TSPAN13: variants seen among roughly 807,000 people sequenced by gnomAD.
TSPAN13 encodes tetraspanin 13.
In TSPAN13, 18 loss-of-function variants were observed where a neutral mutation model predicts 26.9. That is an observed-to-expected ratio of 0.67 (90% CI 0.46 to 0.99). The LOEUF is 0.99. Ranked by LOEUF, TSPAN13 falls within the 50% of genes least tolerant of loss-of-function variation. TSPAN13 has a pLI of 0.00. For synonymous variants in TSPAN13, 116 were observed against 98.4 expected (o/e 1.18, Z -1.06); for missense variants, 201 against 249.6 (o/e 0.81, Z 1.31).
Position 16,759,058 on chromosome 7 carries a change from A to G in TSPAN13, c.63+5028A>G, listed in dbSNP as rs140823167. Among the ~76,000 whole-genome samples the G allele has an allele frequency of 9.1e-4, 139 of 152,302 alleles. 1 individual carries two copies. Among genetic ancestry groups the G allele is most frequent in the African/African-American group, 3.3e-3 (137 of 41,562 alleles). ...TAAATTATATATCGTATTAGAAGGT[A>G]AACAAGTTTTATGGAGAAAAATAAA... On this transcript the variant is annotated intron_variant, in intron 1 of 5. Coordinates refer to ENST00000262067, the MANE Select transcript of TSPAN13 (RefSeq NM_014399.4).
Position 16,777,092 on chromosome 7 carries a change from C to T in TSPAN13, c.282C>T (p.Cys94=), listed in dbSNP as rs201308839. The T allele has an allele frequency of 2.4e-5, 39 of 1,613,382 alleles. No homozygotes were observed. The highest frequency in any genetic ancestry group is 5.3e-5 in the African/African-American group (4 of 75,028). Residue 94 remains cysteine, a synonymous_variant, in exon 3 of 6, where the codon TGC becomes TGT. Coordinates refer to ENST00000262067, the MANE Select transcript of TSPAN13 (RefSeq NM_014399.4). ...LVFIVQFSVS[C]ACLALNQEQQ... ...TTATTGTTCAGTTTTCTGTATCTTG[C>T]GCTTGTTTAGCCCTGAACCAGGAGC...
chr7:16,773,164 T>TG (rs150701147), intron 1 of TSPAN13, among the ~76,000 whole-genome samples: 8,193 of 145,384 alleles, frequency 0.056, 334 homozygotes, highest in African/African-American at 0.11. Flanking sequence ...TAAAAAATCT[T>TG]GGGGGGGGGC....
chr7:16,776,381 A>G lies in TSPAN13; in HGVS notation c.231+3A>G, dbSNP rs1784745913. ...ATCATCAGGTGTTGCTATTTTTTGTATCCTTTTTAAAAATCAAGATTTTAC... is the reference window on the plus strand; with the variant it reads ...ATCATCAGGTGTTGCTATTTTTTGTGTCCTTTTTAAAAATCAAGATTTTAC... On this transcript the variant is annotated splice_donor_region_variant and intron_variant, in intron 2 of 5. Coordinates refer to ENST00000262067, the MANE Select transcript of TSPAN13 (RefSeq NM_014399.4). 1.2e-6 allele frequency: 2 copies of G among 1,607,590 alleles called. No individual in the cohort carries two copies. Among genetic ancestry groups the G allele is most frequent in the African/African-American group, 1.3e-5 (1 of 74,650 alleles).
At chr7:16,763,785 C>T (rs1438465899) in intron 1 of TSPAN13, among the ~76,000 whole-genome samples, 1 of 152,130 alleles carries the variant, frequency 6.6e-6, no homozygotes, top group African/African-American at 2.4e-5. Context: ...TCAGAGGGGC[C>T]AGTCATTAAG....
chr7:16,761,690 ATTTTTTTT>A (rs35451307), intron 1 of TSPAN13, among the ~76,000 whole-genome samples: 3,830 of 93,510 alleles, frequency 0.041, 70 homozygotes, highest in Non-Finnish European at 0.057. Context: ...CAGCTAATTA[ATTTTTTTT>A]TTTTTTTTTT....
At chr7:16,776,725 A>G (rs1784753954) in intron 2 of TSPAN13, among the ~76,000 whole-genome samples, 1 of 152,164 alleles carries the variant, frequency 6.6e-6, no homozygotes, top group South Asian at 2.1e-4. Flanking sequence ...TAGACTTAAT[A>G]TTAAAAAAGC....
intron 1 of TSPAN13, among the ~76,000 whole-genome samples, chr7:16,768,255 T>C (rs1438355078): frequency 6.6e-6 from 1 of 152,224 alleles, no homozygotes. Flanking sequence ...TATATTCTCC[T>C]AGTCCTAGGT....
chr7:16,784,374 A>G lies in TSPAN13; in HGVS notation c.*883A>G, dbSNP rs967963684. 1 of 152,206 alleles carries G rather than the reference A, an allele frequency of 6.6e-6. No homozygotes were observed. Among genetic ancestry groups the G allele is most frequent in the African/African-American group, 2.4e-5 (1 of 41,470 alleles). The allele number at this position is 152,206 out of a possible 1,614,324, so 9.4% of individuals were successfully genotyped here. On this transcript the variant is annotated 3_prime_UTR_variant, in exon 6 of 6. Transcript: ENST00000262067. ...GAAATTTCTCAGTATTGTAACAGCA[A>G]CTTGTCAAACCTAAGCATATTTGAA... is the stretch of plus-strand genomic sequence containing the variant.
chr7:16,776,020 T>G, intron 1 of TSPAN13, 191 bp from the exon 2 acceptor site: 1 of 470,832 alleles, frequency 2.1e-6, no homozygotes, highest in East Asian at 3.3e-5. Flanking sequence ...CGCCTGGGGA[T>G]TAATGTAATT....
At chr7:16,766,382 C>G (rs997627731) in intron 1 of TSPAN13, among the ~76,000 whole-genome samples, 1 of 152,138 alleles carries the variant, frequency 6.6e-6, no homozygotes, top group Non-Finnish European at 1.5e-5. Context: ...ATGGCCCTTA[C>G]AAATGAGAAT....
chr7:16,776,086 G>A (rs1414092977), intron 1 of TSPAN13, 125 bp from the exon 2 acceptor site: 1 of 806,620 alleles, frequency 1.2e-6, no homozygotes, highest in African/African-American at 1.7e-5. Flanking sequence ...TTAAGTTTTA[G>A]TGCTTATTTG....
At chr7:16,781,633 G>T (rs1244354099) in intron 5 of TSPAN13, among the ~76,000 whole-genome samples, 3 of 152,142 alleles carry the variant, frequency 2.0e-5, no homozygotes, top group Admixed American at 6.5e-5. Context: ...GTAAAATGTG[G>T]CTCCGGATTA....
In TSPAN13 at chr7:16,773,172, G is replaced by A. The variant is rs1008745853; in HGVS notation, c.64-3039G>A. 5.3e-5 allele frequency among the ~76,000 whole-genome samples: 8 copies of A among 150,960 alleles called. No individual in the cohort carries two copies. The South Asian group carries it at 1.1e-3, about 20-fold the overall frequency. ...CGCCTTATAAAAAATCTTGGGGGGG[G>A]GCGGTTAGCAATTATTTGATTATTT... On this transcript the variant is annotated intron_variant, in intron 1 of 5. Coordinates refer to ENST00000262067, the MANE Select transcript of TSPAN13 (RefSeq NM_014399.4).
chr7:16,766,073 A>G (rs186983113), intron 1 of TSPAN13, among the ~76,000 whole-genome samples: 1 of 152,370 alleles, frequency 6.6e-6, no homozygotes, highest in East Asian at 1.9e-4. Flanking sequence ...AGTTAAGGAT[A>G]CACTGATAAT....
intron 1 of TSPAN13, among the ~76,000 whole-genome samples, chr7:16,762,504 GGACTTTTTCTC>G (rs1784553885): frequency 6.6e-6 from 1 of 152,140 alleles, no homozygotes; most frequent in South Asian, 2.1e-4. Context: ...CTGGGAGTAT[GGACTTTTTCTC>G]GAGATCAGAA....
chr7:16,758,023 C>G (rs771842539), intron 1 of TSPAN13, among the ~76,000 whole-genome samples: 1 of 151,998 alleles, frequency 6.6e-6, no homozygotes, highest in African/African-American at 2.4e-5. Context: ...TTAGTAGAGA[C>G]GGGGTTTCGC....
intron 1 of TSPAN13, among the ~76,000 whole-genome samples, chr7:16,757,053 G>A (rs1784487997): frequency 6.6e-6 from 1 of 152,132 alleles, no homozygotes; most frequent in Non-Finnish European, 1.5e-5. Flanking sequence ...ACCTATAAAG[G>A]CAAATGCATT....
intron 1 of TSPAN13, among the ~76,000 whole-genome samples, chr7:16,757,764 A>C (rs1383818667): frequency 6.6e-6 from 1 of 152,220 alleles, no homozygotes; most frequent in Non-Finnish European, 1.5e-5. Flanking sequence ...CATAAAAATT[A>C]TACTGAATTA....
At chr7:16,769,441 A>T (rs1784648524) in intron 1 of TSPAN13, among the ~76,000 whole-genome samples, 1 of 152,194 alleles carries the variant, frequency 6.6e-6, no homozygotes, top group Non-Finnish European at 1.5e-5. Flanking sequence ...TGTTTATTTT[A>T]GGTCTTCTTT....
Sources: gnomAD v4.1 joint callset for allele counts (sites outside exome capture counted in the v4.1 genomes callset) on GRCh38, gnomAD v4.1.1 for gene constraint, MANE v1.5 for transcripts, NCBI Gene and HGNC (gene_info 2026-07-23, HGNC 2026-07-21) for gene names.